Variants in PTBP2 observed in about 807,000 individuals in gnomAD.
PTBP2 encodes polypyrimidine tract binding protein 2, also known as polypyrimidine tract-binding protein 2.
In PTBP2, 13 loss-of-function variants were observed where a neutral mutation model predicts 61.4. That is an observed-to-expected ratio of 0.21 (90% confidence interval 0.14 to 0.34). The LOEUF (loss-of-function observed/expected upper bound fraction) is 0.34, where lower values mean the gene tolerates loss of function less well. PTBP2 is among the 10% of genes least tolerant of loss of function. PTBP2 has a pLI of 1.00. For synonymous variants in PTBP2, 215 were observed against 218.5 expected (o/e 0.98, Z 0.14); for missense variants, 405 against 642.6 (o/e 0.63, Z 4.00).
At position 96,733,938 on chromosome 1, in the gene PTBP2, T is replaced by G. The variant is rs188396510; in HGVS notation, c.39+10344T>G. Among the ~76,000 whole-genome samples the G allele has an allele frequency of 1.2e-3, 188 of 152,302 alleles. 2 individuals are homozygous for G. Among genetic ancestry groups the G allele is most frequent in the African/African-American group, 4.1e-3 (169 of 41,570 alleles). On this transcript the variant is annotated intron_variant, in intron 2 of 13. Coordinates refer to ENST00000674951, the MANE Select transcript of PTBP2 (RefSeq NM_021190.4). ...CATGGAGTGCTATGAATTAGAATCCTGAGTCTCTATATTGTTAATTATTTT... is the reference window on the plus strand; with the variant it reads ...CATGGAGTGCTATGAATTAGAATCCGGAGTCTCTATATTGTTAATTATTTT...
At chr1:96,804,745 TTGTG>T in intron 8 of PTBP2, 51 bp from the exon 9 acceptor site, 1 of 1,533,864 alleles carries the variant, frequency 6.5e-7, no homozygotes, top group Non-Finnish European at 8.9e-7. Flanking sequence ...TGTAAACGAC[TTGTG>T]TGTGTTTCGT....
chr1:96,808,927 C>T (rs1194853772), intron 11 of PTBP2, among the ~76,000 whole-genome samples: 1 of 151,794 alleles, frequency 6.6e-6, no homozygotes, highest in Non-Finnish European at 1.5e-5. Flanking sequence ...ATACTTTTTA[C>T]AAGAGACATG....
At chr1:96,797,181 G>C (rs939829786) in intron 8 of PTBP2, among the ~76,000 whole-genome samples, 2 of 152,124 alleles carry the variant, frequency 1.3e-5, no homozygotes, top group Admixed American at 6.6e-5. Flanking sequence ...CTCATTGATG[G>C]TGGTGGAACA....
intron 3 of PTBP2, among the ~76,000 whole-genome samples, chr1:96,761,119 A>G (rs2391782): frequency 0.079 from 12,098 of 152,258 alleles, 613 homozygotes; most frequent in East Asian, 0.17. Context: ...TTTAGAAACC[A>G]GAATGTTGGA....
intron 8 of PTBP2, among the ~76,000 whole-genome samples, chr1:96,801,945 C>T (rs1033921549): frequency 1.3e-5 from 2 of 151,482 alleles, no homozygotes; most frequent in Non-Finnish European, 2.9e-5. Flanking sequence ...GGCGCGGTGG[C>T]TCATGCCTGT....
chr1:96,762,912 G>A (rs377426911), intron 3 of PTBP2, among the ~76,000 whole-genome samples: 1,578 of 151,830 alleles, frequency 0.01, 12 homozygotes, highest in South Asian at 0.025. Flanking sequence ...GGTCGCGGCC[G>A]GGTAGAGGCG....
chr1:96,796,944 T>G (rs1011873964), intron 8 of PTBP2, among the ~76,000 whole-genome samples: 1 of 152,126 alleles, frequency 6.6e-6, no homozygotes, highest in Non-Finnish European at 1.5e-5. Flanking sequence ...AAAATGAAGA[T>G]GTATCAAAAG....
At chr1:96,763,786 A>G (rs1656332655) in intron 3 of PTBP2, among the ~76,000 whole-genome samples, 1 of 152,180 alleles carries the variant, frequency 6.6e-6, no homozygotes, top group Non-Finnish European at 1.5e-5. Context: ...TGTACAGAGG[A>G]AATACTGAGT....
intron 2 of PTBP2, among the ~76,000 whole-genome samples, chr1:96,736,818 A>G (rs1204103911): frequency 6.6e-6 from 1 of 151,874 alleles, no homozygotes; most frequent in African/African-American, 2.4e-5. Flanking sequence ...CTGGGACTAC[A>G]GTTGTGTGCC....
Position 96,800,584 on chromosome 1 carries a change from AT to A in PTBP2, c.905-4214del, listed in dbSNP as rs543280312. Among the ~76,000 whole-genome samples the A allele has an allele frequency of 3.5e-3, 529 of 152,114 alleles. 1 individual carries two copies. The highest frequency in any genetic ancestry group is 5.6e-3 in the Non-Finnish European group (381 of 67,972). ...TCAGTCTCTACTAAAAATAAAAAAA[AT>A]TAGCCATGCCTGGTGGCATGTGCCT... On this transcript the variant is annotated intron_variant, in intron 8 of 13. Coordinates refer to ENST00000674951, the MANE Select transcript of PTBP2 (RefSeq NM_021190.4).
At chr1:96,726,275 CT>C (rs564018394) in intron 2 of PTBP2, among the ~76,000 whole-genome samples, 82 of 125,650 alleles carry the variant, frequency 6.5e-4, no homozygotes, top group Middle Eastern at 4.2e-3. Context: ...CACATCTTGC[CT>C]TTTTTTTTTT....
At chr1:96,724,276 G>A (rs1650061597) in intron 2 of PTBP2, among the ~76,000 whole-genome samples, 1 of 151,636 alleles carries the variant, frequency 6.6e-6, no homozygotes, top group South Asian at 2.1e-4. Context: ...TTTTGAGACG[G>A]AGCCTCACTC....
At chr1:96,783,567 A>G (rs1489918027) in intron 7 of PTBP2, among the ~76,000 whole-genome samples, 1 of 152,032 alleles carries the variant, frequency 6.6e-6, no homozygotes, top group African/African-American at 2.4e-5. Flanking sequence ...CTGTGACTCA[A>G]ACCCAGCTCT....
chr1:96,808,307 T>C (rs1426354739), intron 11 of PTBP2, among the ~76,000 whole-genome samples: 1 of 152,210 alleles, frequency 6.6e-6, no homozygotes, highest in Middle Eastern at 3.4e-3. Context: ...AATAAAACTT[T>C]GGGGTCTAGA....
At chr1:96,784,634 C>T (rs1228727270) in intron 7 of PTBP2, among the ~76,000 whole-genome samples, 1 of 152,010 alleles carries the variant, frequency 6.6e-6, no homozygotes, top group Non-Finnish European at 1.5e-5. Flanking sequence ...ATAGCAGTTA[C>T]CTTCTAAAAC....
chr1:96,803,394 TA>T (rs1222633516), intron 8 of PTBP2, among the ~76,000 whole-genome samples: 2 of 135,996 alleles, frequency 1.5e-5, no homozygotes, highest in Admixed American at 7.3e-5. Context: ...TGTATAGCCA[TA>T]AAAAAAAGGG....
At chr1:96,724,383 T>C (rs569312146) in intron 2 of PTBP2, among the ~76,000 whole-genome samples, 2 of 152,144 alleles carry the variant, frequency 1.3e-5, no homozygotes, top group East Asian at 3.9e-4. Flanking sequence ...CCTGAGTAGC[T>C]GGGATTACAG....
At chr1:96,771,429 A>C (rs1012969913) in intron 5 of PTBP2, 1 of 151,938 alleles carries the variant, frequency 6.6e-6, no homozygotes, top group East Asian at 1.9e-4. Flanking sequence ...TTTAAAACTA[A>C]TGATATCTTT....
intron 7 of PTBP2, among the ~76,000 whole-genome samples, chr1:96,780,556 A>G (rs1483413040): frequency 6.6e-6 from 1 of 152,040 alleles, no homozygotes; most frequent in Non-Finnish European, 1.5e-5. Context: ...TACCTAGATA[A>G]TATTTGGCAC....
Sources: gnomAD v4.1 joint callset for allele counts (sites outside exome capture counted in the v4.1 genomes callset) on GRCh38, gnomAD v4.1.1 for gene constraint, MANE v1.5 for transcripts, NCBI Gene and HGNC (gene_info 2026-07-23, HGNC 2026-07-21) for gene names.